The following TM9SF4 variants were observed in gnomAD, a reference collection of about 807,000 sequenced individuals.
TM9SF4 encodes the protein dinucleotide oxidase disulfide thiol exchanger 3 superfamily member 4.
TM9SF4 carries 26 observed loss-of-function variants against 90.4 expected under a neutral mutation model. The ratio of observed to expected loss-of-function variants is 0.29; its 90% CI spans 0.21 to 0.40. The LOEUF is 0.40. TM9SF4 is among the 10% of genes least tolerant of loss of function. The probability of loss-of-function intolerance (pLI) is 1.00; values close to 1 mark genes in which losing one functional copy is unlikely to be tolerated. For synonymous variants in TM9SF4, 293 were observed against 315.4 expected (o/e 0.93, Z 0.75); for missense variants, 549 against 834.8 (o/e 0.66, Z 4.22).
chr20:32,158,634 G>A, intron 15 of TM9SF4, 120 bp downstream of exon 15: 3 of 974,278 alleles, frequency 3.1e-6, no homozygotes, highest in South Asian at 1.4e-5. Context: ...ACCTCTCGGA[G>A]CCCCATTCTT....
rs1192442668 is a variant in TM9SF4 at position 32,133,004 on chromosome 20, T to C, written c.16-9T>C. The C allele has an allele frequency of 3.7e-6, 6 of 1,613,084 alleles. No homozygotes were observed. The highest frequency in any genetic ancestry group is 1.7e-5 in the Admixed American group (1 of 59,962). ...TCCCCAATCCAACCCTGGCCTCTCT[T>C]CTGAGCAGGATTGGTTGCCGTGGTC... On this transcript the variant is annotated splice_polypyrimidine_tract_variant and intron_variant, in intron 1 of 17. Transcript: ENST00000398022.
chr20:32,158,936 C>T (rs926449788), intron 15 of TM9SF4, among the ~76,000 whole-genome samples: 2 of 150,754 alleles, frequency 1.3e-5, no homozygotes, highest in East Asian at 2.0e-4. Flanking sequence ...GAGCCAAGAT[C>T]GCGCCACTGC....
intron 1 of TM9SF4, among the ~76,000 whole-genome samples, chr20:32,110,773 C>T (rs778375796): frequency 1.1e-4 from 16 of 152,316 alleles, no homozygotes; most frequent in Non-Finnish European, 1.3e-4. Flanking sequence ...TCAGAGCTTG[C>T]GGGCTCCTGG....
intron 1 of TM9SF4, chr20:32,110,118 C>T (rs560682481): frequency 1.8e-6 from 2 of 1,097,246 alleles, no homozygotes; most frequent in South Asian, 2.3e-5. Context: ...ATCCTTGCTC[C>T]TCCCCGTCAC....
chr20:32,147,316 G>A (rs568331730), intron 9 of TM9SF4, among the ~76,000 whole-genome samples: 8 of 152,232 alleles, frequency 5.3e-5, no homozygotes, highest in Admixed American at 3.3e-4. Context: ...TACCAAAAAA[G>A]TAAGGAAAAA....
chr20:32,133,242 C>T, intron 2 of TM9SF4, 116 bp downstream of exon 2: 1 of 839,286 alleles, frequency 1.2e-6, no homozygotes, highest in Non-Finnish European at 1.8e-6. Flanking sequence ...GTGCCAGTTA[C>T]CCCGGAACTC....
chr20:32,133,290 C>T (rs1441803718), intron 2 of TM9SF4, among the ~76,000 whole-genome samples, 164 bp downstream of exon 2: 1 of 152,108 alleles, frequency 6.6e-6, no homozygotes, highest in East Asian at 1.9e-4. Context: ...TTCTCGGTCC[C>T]CTCTCTGTTT....
At chr20:32,117,316 G>C (rs1488938089) in intron 1 of TM9SF4, among the ~76,000 whole-genome samples, 1 of 151,826 alleles carries the variant, frequency 6.6e-6, no homozygotes, top group African/African-American at 2.4e-5. Context: ...TTTGCAGTAG[G>C]AAAGGCATGG....
chr20:32,136,977 G>A (rs1338900486), intron 3 of TM9SF4: 1 of 470,490 alleles, frequency 2.1e-6, no homozygotes, highest in Non-Finnish European at 4.4e-6. Context: ...ACCTCTAGCT[G>A]ACAAATTTAT....
At chr20:32,133,556 C>T (rs1600805925) in intron 2 of TM9SF4, among the ~76,000 whole-genome samples, 3 of 152,158 alleles carry the variant, frequency 2.0e-5, no homozygotes, top group Admixed American at 6.5e-5. Context: ...ACATTGTGAA[C>T]GTCTCTTTTC....
At chr20:32,133,709 A>G (rs997623362) in intron 2 of TM9SF4, among the ~76,000 whole-genome samples, 2 of 152,176 alleles carry the variant, frequency 1.3e-5, no homozygotes, top group African/African-American at 4.8e-5. Context: ...TGTTACACAG[A>G]TTTCCTATTC....
intron 6 of TM9SF4, among the ~76,000 whole-genome samples, chr20:32,144,186 T>C (rs1423003978): frequency 6.6e-6 from 1 of 152,180 alleles, no homozygotes; most frequent in Non-Finnish European, 1.5e-5. Context: ...CCTCGTGATC[T>C]GCCTGCCTTG....
At chr20:32,125,115 A>G (rs1259091032) in intron 1 of TM9SF4, among the ~76,000 whole-genome samples, 1 of 152,094 alleles carries the variant, frequency 6.6e-6, no homozygotes, top group Non-Finnish European at 1.5e-5. Flanking sequence ...GCTCACGGTG[A>G]CGGTTGCATA....
intron 17 of TM9SF4, among the ~76,000 whole-genome samples, chr20:32,163,471 T>C (rs2047056614): frequency 6.6e-6 from 1 of 150,986 alleles, no homozygotes; most frequent in African/African-American, 2.4e-5. Flanking sequence ...GCTAAAAGAC[T>C]GTCTTTCGTC....
At chr20:32,141,044 C>T (rs1210730924) in intron 3 of TM9SF4, among the ~76,000 whole-genome samples, 3 of 151,640 alleles carry the variant, frequency 2.0e-5, no homozygotes, top group Admixed American at 6.6e-5. Flanking sequence ...GGTGAAACCC[C>T]GTCTCTACTA....
intron 1 of TM9SF4, among the ~76,000 whole-genome samples, chr20:32,123,866 A>ATATATATATATATATATTTTTTTT: frequency 4.3e-5 from 4 of 93,978 alleles, no homozygotes; most frequent in African/African-American, 1.8e-4. Context: ...ATATATATAT[A>ATATATATATATATATATTTTTTTT]TTTTTTTTTT....
At chr20:32,141,026 G>A (rs1203382310) in intron 3 of TM9SF4, among the ~76,000 whole-genome samples, 2 of 151,878 alleles carry the variant, frequency 1.3e-5, no homozygotes, top group East Asian at 3.9e-4. Context: ...GACCATCCTG[G>A]CTAACAGGGT....
rs780396327 is a variant in TM9SF4 at position 32,141,799 on chromosome 20, G to A, written c.432G>A (p.Leu144=). 2 of 1,614,132 alleles carry A rather than the reference G, an allele frequency of 1.2e-6. No individual in the cohort carries two copies. Among genetic ancestry groups the A allele is most frequent in the Admixed American group, 1.7e-5 (1 of 60,006 alleles). Residue 144 remains leucine (L), a synonymous_variant, in exon 5 of 18, where the codon CTG becomes CTA. Coordinates refer to ENST00000398022, the MANE Select transcript of TM9SF4 (RefSeq NM_014742.4). The part of the protein sequence containing the change: ...IADNLPVATR[L]ELYSNRDSDD... ...ACAACCTGCCTGTGGCCACCCGGCT[G>A]GAGCTCTACTCCAACCGAGACAGCG...
intron 14 of TM9SF4, 66 bp from the exon 15 acceptor site, chr20:32,158,385 G>A: frequency 2.6e-6 from 4 of 1,509,798 alleles, no homozygotes; most frequent in Non-Finnish European, 3.7e-6. Context: ...ATGCCAGCTT[G>A]GGAAGGAGCT....
Sources: gnomAD v4.1 joint callset for allele counts (sites outside exome capture counted in the v4.1 genomes callset) on GRCh38, gnomAD v4.1.1 for gene constraint, MANE v1.5 for transcripts, NCBI Gene and HGNC (gene_info 2026-07-23, HGNC 2026-07-21) for gene names.